PCCA: variants seen among roughly 807,000 people sequenced by gnomAD.
The protein encoded by PCCA is propionyl-CoA carboxylase subunit alpha.
PCCA carries 74 observed loss-of-function variants against 101.3 expected under a neutral mutation model. That is an observed-to-expected ratio of 0.73 (90% CI 0.61 to 0.89). The LOEUF (loss-of-function observed/expected upper bound fraction) is 0.89. Ranked by LOEUF, PCCA falls within the 40% of genes least tolerant of loss-of-function variation. PCCA has a pLI of 0.00. For synonymous variants in PCCA, 294 were observed against 313.6 expected (o/e 0.94, Z 0.66); for missense variants, 891 against 907.0 (o/e 0.98, Z 0.23).
chr13:100,208,620 T>G lies in PCCA; in HGVS notation c.469-712T>G, dbSNP rs16957227. Among the ~76,000 whole-genome samples the G allele has an allele frequency of 4.1e-3, 627 of 152,298 alleles. 11 individuals are homozygous for G. Among genetic ancestry groups the G allele is most frequent in the African/African-American group, 0.014 (602 of 41,568 alleles). ...CATCATATTTTGTTCTGTCTCTAGA[T>G]CTATTTAAGTCACTAGCTTTTTTTT... On this transcript the variant is annotated intron_variant, in intron 6 of 23. Transcript: ENST00000376285.
At chr13:100,094,885 C>T (rs753856483) in intron 1 of PCCA, among the ~76,000 whole-genome samples, 24 of 152,018 alleles carry the variant, frequency 1.6e-4, no homozygotes, top group Non-Finnish European at 3.1e-4. Context: ...ACCGTGCCTG[C>T]CCTCTCTTTG....
intron 7 of PCCA, among the ~76,000 whole-genome samples, chr13:100,230,539 C>CA (rs112076583): frequency 0.044 from 5,382 of 121,762 alleles, 260 homozygotes; most frequent in African/African-American, 0.12. Flanking sequence ...ACTCCCATCT[C>CA]AAAAAAAAAA....
intron 12 of PCCA, among the ~76,000 whole-genome samples, chr13:100,287,341 T>G (rs2064755861): frequency 2.0e-5 from 3 of 152,090 alleles, no homozygotes; most frequent in African/African-American, 7.2e-5. Flanking sequence ...TATTTATATT[T>G]AACAGAAGAA....
In PCCA at chr13:100,242,022, C is replaced by G. The variant is rs117055973; in HGVS notation, c.637+6144C>G. The stretch of plus-strand genomic sequence containing the variant: ...ACCAAGAATATATAAGGGTTTCAAT[C>G]TCTTCATATCCTTGCCAACCCTTGT... On this transcript the variant is annotated intron_variant, in intron 8 of 23. Transcript: ENST00000376285. Among the ~76,000 whole-genome samples the G allele has an allele frequency of 1.2e-3, 185 of 152,278 alleles. 2 individuals are homozygous for G. The highest frequency in any genetic ancestry group is 5.6e-3 in the East Asian group (29 of 5,184).
At chr13:100,312,153 C>G (rs748080318) in intron 16 of PCCA, among the ~76,000 whole-genome samples, 1 of 152,054 alleles carries the variant, frequency 6.6e-6, no homozygotes, top group African/African-American at 2.4e-5. Flanking sequence ...TGATACTATC[C>G]CTGATTTCAA....
intron 4 of PCCA, among the ~76,000 whole-genome samples, chr13:100,148,316 C>T (rs2052835868): frequency 6.6e-6 from 1 of 152,068 alleles, no homozygotes; most frequent in South Asian, 2.1e-4. Flanking sequence ...CAAGTTTTTC[C>T]TAAGCTAATG....
At chr13:100,265,211 A>G (rs1313772148) in intron 10 of PCCA, among the ~76,000 whole-genome samples, 4 of 152,176 alleles carry the variant, frequency 2.6e-5, no homozygotes, top group African/African-American at 9.7e-5. Context: ...GTTTAAGTCT[A>G]CTTTGTGTAC....
At chr13:100,279,292 G>A (rs555863579) in intron 12 of PCCA, among the ~76,000 whole-genome samples, 3 of 152,304 alleles carry the variant, frequency 2.0e-5, no homozygotes, top group Non-Finnish European at 2.9e-5. Flanking sequence ...TCCAGTGACT[G>A]TGATCCTGTC....
chr13:100,249,914 A>T (rs546607581), intron 8 of PCCA, among the ~76,000 whole-genome samples: 3 of 152,124 alleles, frequency 2.0e-5, no homozygotes, highest in Non-Finnish European at 4.4e-5. Context: ...ATTAATTTGT[A>T]TTCTGTAACC....
chr13:100,350,813 G>C (rs2152777542), intron 18 of PCCA, among the ~76,000 whole-genome samples: 1 of 152,210 alleles, frequency 6.6e-6, no homozygotes, highest in African/African-American at 2.4e-5. Flanking sequence ...CACCCCACTG[G>C]CAAATCCTAT....
intron 16 of PCCA, among the ~76,000 whole-genome samples, chr13:100,318,931 A>G (rs1352842839): frequency 6.6e-6 from 1 of 152,152 alleles, no homozygotes; most frequent in Non-Finnish European, 1.5e-5. Flanking sequence ...CAATGGTTGA[A>G]CTAGTTTACA....
chr13:100,177,892 A>G (rs979296984), intron 6 of PCCA, among the ~76,000 whole-genome samples: 2 of 152,184 alleles, frequency 1.3e-5, no homozygotes, highest in African/African-American at 2.4e-5. Flanking sequence ...TAAAAATTCA[A>G]CTGTGAAGGA....
At chr13:100,099,365 T>C (rs1409757438) in intron 1 of PCCA, among the ~76,000 whole-genome samples, 2 of 148,308 alleles carry the variant, frequency 1.3e-5, no homozygotes, top group Non-Finnish European at 3.0e-5. Flanking sequence ...TCACCCAGAC[T>C]GGAGTGCAGT....
rs561985390 is a variant in PCCA, at chr13:100,269,593, G to A, written c.914+810G>A. On this transcript the variant is annotated intron_variant, in intron 11 of 23. Transcript: ENST00000376285. ...CTCATTTCTCATTTGATGCTAGGTT[G>A]CTATTTGTATATACTCTGGTATTCT... Among the ~76,000 whole-genome samples, 5 of 152,204 alleles carry A rather than the reference G, an allele frequency of 3.3e-5. No homozygotes were observed. In the East Asian group the frequency reaches 7.8e-4, roughly 24 times the overall value.
intron 1 of PCCA, among the ~76,000 whole-genome samples, chr13:100,090,015 T>G (rs989530356): frequency 6.6e-6 from 1 of 152,250 alleles, no homozygotes; most frequent in Non-Finnish European, 1.5e-5. Context: ...TTATAAGGTT[T>G]GTTGAGGCAC....
At chr13:100,372,964 G>T (rs1389495146) in intron 19 of PCCA, among the ~76,000 whole-genome samples, 3 of 151,998 alleles carry the variant, frequency 2.0e-5, no homozygotes, top group Admixed American at 2.0e-4. Context: ...GGCTGGTCTC[G>T]AACTCCTGAC....
chr13:100,203,755 G>T (rs903418901), intron 6 of PCCA, among the ~76,000 whole-genome samples: 1 of 152,092 alleles, frequency 6.6e-6, no homozygotes, highest in African/African-American at 2.4e-5. Flanking sequence ...GTGTAAAATT[G>T]GTTTTTCTCT....
chr13:100,151,590 C>CAAA lies in PCCA; in HGVS notation c.301-3381_301-3379dup, dbSNP rs368443318. Among the ~76,000 whole-genome samples, 1,307 of 139,372 alleles carry CAAA rather than the reference C, an allele frequency of 9.4e-3. 18 individuals carry two copies. Among genetic ancestry groups the CAAA allele is most frequent in the African/African-American group, 0.033 (1,236 of 37,606 alleles). 91.4% of individuals were successfully genotyped at this position (139,372 alleles called of 152,430 possible). A position where few individuals can be genotyped will look rare whatever the true frequency, so the allele number is the denominator to read the frequency against. ...CTGGGCAAGAGCAAAAACTCTGTCT[C>CAAA]AAAAAAAAAACCAAACAAACAGAAA... is the stretch of plus-strand genomic sequence containing the variant. On this transcript the variant is annotated intron_variant, in intron 4 of 23. Transcript: ENST00000376285.
At chr13:100,169,787 C>A (rs944055457) in intron 6 of PCCA, among the ~76,000 whole-genome samples, 1 of 151,334 alleles carries the variant, frequency 6.6e-6, no homozygotes, top group East Asian at 2.0e-4. Flanking sequence ...ACAGACTCCG[C>A]CTCCCAGGTT....
Sources: gnomAD v4.1 joint callset for allele counts (sites outside exome capture counted in the v4.1 genomes callset) on GRCh38, gnomAD v4.1.1 for gene constraint, MANE v1.5 for transcripts, NCBI Gene and HGNC (gene_info 2026-07-23, HGNC 2026-07-21) for gene names.